KCNN2: variants seen among roughly 807,000 people sequenced by gnomAD.
KCNN2 encodes potassium calcium-activated channel subfamily N member 2.
In KCNN2, 24 loss-of-function variants were observed where a neutral mutation model predicts 55.5. The observed-to-expected ratio is 0.43, with a 90% CI of 0.31 to 0.61. KCNN2 has a LOEUF of 0.61. Among genes scored for constraint, KCNN2 ranks in the 20% least tolerant of loss-of-function variants. The pLI is 0.08. For missense variants in KCNN2, 754 were observed against 853.6 expected (o/e 0.88, Z 1.45); for synonymous variants, 431 against 336.1 (o/e 1.28, Z -3.09).
At chr5:114,132,817 C>G (rs1019992866) in intron 1 of KCNN2, among the ~76,000 whole-genome samples, 2 of 152,174 alleles carry the variant, frequency 1.3e-5, no homozygotes, top group African/African-American at 2.4e-5. Flanking sequence ...CTTGCTAATA[C>G]ACTTCATGCA....
At chr5:114,375,146 C>G (rs1217644947) in intron 2 of KCNN2, among the ~76,000 whole-genome samples, 1 of 152,058 alleles carries the variant, frequency 6.6e-6, no homozygotes, top group African/African-American at 2.4e-5. Context: ...TGCATGGGTG[C>G]TATTTCATGA....
At chr5:114,151,047 A>C (rs943003275) in intron 1 of KCNN2, among the ~76,000 whole-genome samples, 3 of 152,160 alleles carry the variant, frequency 2.0e-5, no homozygotes, top group East Asian at 1.9e-4. Flanking sequence ...ACAACAACAA[A>C]AAAACAAATA....
chr5:114,139,747 A>C (rs1031269500), intron 1 of KCNN2, among the ~76,000 whole-genome samples: 3 of 151,906 alleles, frequency 2.0e-5, no homozygotes, highest in African/African-American at 7.2e-5. Context: ...CTGGCTCTAC[A>C]TACTGATCAA....
intron 1 of KCNN2, among the ~76,000 whole-genome samples, chr5:114,080,599 T>C (rs922172370): frequency 2.8e-5 from 4 of 144,470 alleles, no homozygotes; most frequent in Admixed American, 6.7e-5. Flanking sequence ...ATCATCTCAA[T>C]TGATTTAGAA....
intron 4 of KCNN2, among the ~76,000 whole-genome samples, chr5:114,468,780 C>T (rs1761570080): frequency 6.6e-6 from 1 of 152,082 alleles, no homozygotes; most frequent in Non-Finnish European, 1.5e-5. Flanking sequence ...TAATCAAAAC[C>T]TTTCCACAGT....
chr5:114,171,544 C>G (rs1215981349), intron 1 of KCNN2, among the ~76,000 whole-genome samples: 1 of 151,958 alleles, frequency 6.6e-6, no homozygotes, highest in Non-Finnish European at 1.5e-5. Flanking sequence ...CACAGACCCA[C>G]AGTATATGTT....
intron 2 of KCNN2, among the ~76,000 whole-genome samples, chr5:114,256,025 A>C (rs1754977153): frequency 6.6e-6 from 1 of 151,910 alleles, no homozygotes; most frequent in South Asian, 2.1e-4. Context: ...CTGAGTCTCC[A>C]GTGTCTATTA....
chr5:114,255,033 A>G (rs1442073127), intron 2 of KCNN2, among the ~76,000 whole-genome samples: 2 of 152,180 alleles, frequency 1.3e-5, no homozygotes, highest in African/African-American at 4.8e-5. Flanking sequence ...GAATGGCTCT[A>G]TTGAGAGGTA....
chr5:114,401,767 A>G (rs1758795109), intron 2 of KCNN2, among the ~76,000 whole-genome samples: 1 of 152,196 alleles, frequency 6.6e-6, no homozygotes, highest in Admixed American at 6.5e-5. Context: ...ACCCAGAAGC[A>G]TGATTAGGTT....
intron 1 of KCNN2, among the ~76,000 whole-genome samples, chr5:114,182,011 G>A (rs1753249688): frequency 1.4e-5 from 1 of 72,962 alleles, no homozygotes; most frequent in Admixed American, 1.6e-4. Flanking sequence ...GAGAAGCTGT[G>A]TCAAAAAAAA....
intron 2 of KCNN2, among the ~76,000 whole-genome samples, chr5:114,225,703 A>G (rs1276313300): frequency 6.6e-6 from 1 of 152,172 alleles, no homozygotes; most frequent in East Asian, 1.9e-4. Context: ...AAAGAAAATC[A>G]AATTTTTATA....
In KCNN2 at chr5:114,363,101, C is replaced by A; in HGVS notation, c.962C>A (p.Ser321Tyr). ...CACGGCAGCAGCAGTGGCACCAAGT[C>A]CAGCAAAAAGAAAAACCAGAACATC... ...SGHGSSSGTK[S>Y]SKKKNQNIGY... The change falls in exon 1 of 8, where the codon TCC (serine) becomes TAC (tyrosine). Residue 321 changes from serine (S) to tyrosine (Y), a missense_variant. Physicochemically the swap from Ser to Tyr is moderately radical, Grantham distance 144 (BLOSUM62 -2). Coordinates refer to ENST00000673685, the MANE Select transcript of KCNN2 (RefSeq NM_021614.4). The A allele has an allele frequency of 6.2e-7, 1 of 1,612,864 alleles. No individual in the cohort carries two copies. Among genetic ancestry groups the A allele is most frequent in the Non-Finnish European group, 8.5e-7 (1 of 1,179,942 alleles).
intron 1 of KCNN2, among the ~76,000 whole-genome samples, chr5:114,200,718 G>A (rs990005881): frequency 6.6e-6 from 1 of 151,844 alleles, no homozygotes; most frequent in African/African-American, 2.4e-5. Context: ...CTGTTGTTGA[G>A]TAAGACACTT....
intron 1 of KCNN2, among the ~76,000 whole-genome samples, chr5:114,116,455 G>A (rs1030855046): frequency 1.3e-5 from 2 of 152,084 alleles, no homozygotes; most frequent in Non-Finnish European, 2.9e-5. Flanking sequence ...CATTGATTTT[G>A]TGATCATTTG....
At chr5:114,064,590 A>G (rs746046819) in intron 1 of KCNN2, among the ~76,000 whole-genome samples, 7 of 152,198 alleles carry the variant, frequency 4.6e-5, no homozygotes, top group Non-Finnish European at 8.8e-5. Context: ...AGCTAATGCT[A>G]CCAAGAGCAG....
chr5:114,119,384 C>T (rs1751782054), intron 1 of KCNN2, among the ~76,000 whole-genome samples: 1 of 152,208 alleles, frequency 6.6e-6, no homozygotes, highest in Non-Finnish European at 1.5e-5. Context: ...TTTCCATTGG[C>T]TTCTTTTAGA....
At chr5:114,346,024 C>A (rs1757098646) in intron 2 of KCNN2, among the ~76,000 whole-genome samples, 2 of 152,262 alleles carry the variant, frequency 1.3e-5, no homozygotes, top group South Asian at 4.1e-4. Context: ...CTTAAGTGAT[C>A]CCCTGCCACA....
intron 1 of KCNN2, among the ~76,000 whole-genome samples, chr5:114,180,285 C>T (rs1364215240): frequency 6.6e-6 from 1 of 152,132 alleles, no homozygotes; most frequent in Non-Finnish European, 1.5e-5. Flanking sequence ...TACCGAGTCT[C>T]ATTTTGTACA....
chr5:114,277,850 A>G (rs1755523519), intron 2 of KCNN2, among the ~76,000 whole-genome samples: 1 of 152,134 alleles, frequency 6.6e-6, no homozygotes, highest in African/African-American at 2.4e-5. Context: ...CAACATGTCA[A>G]ACTCATTCTC....
Sources: allele counts gnomAD v4.1 joint callset (sites outside exome capture counted in the v4.1 genomes callset), GRCh38; gene constraint gnomAD v4.1.1; transcripts MANE v1.5; gene names NCBI Gene and HGNC (gene_info 2026-07-23, HGNC 2026-07-21).